The following ITGBL1 variants were observed in gnomAD, a reference collection of about 807,000 sequenced individuals.
ITGBL1 encodes integrin subunit beta like 1.
In ITGBL1, 51 loss-of-function variants were observed where a neutral mutation model predicts 68.5. That is an observed-to-expected ratio of 0.74 (90% CI 0.59 to 0.94). The LOEUF (loss-of-function observed/expected upper bound fraction) is 0.94, where lower values mean the gene tolerates loss of function less well. ITGBL1 is among the 40% of genes least tolerant of loss of function. The pLI, the probability that ITGBL1 is intolerant of heterozygous loss-of-function variation, is 0.00. For missense variants in ITGBL1, 649 were observed against 647.4 expected (o/e 1.00, Z -0.03); for synonymous variants, 209 against 227.3 (o/e 0.92, Z 0.72).
At chr13:101,615,207 A>C (rs1439519491) in intron 7 of ITGBL1, among the ~76,000 whole-genome samples, 1 of 151,882 alleles carries the variant, frequency 6.6e-6, no homozygotes, top group Non-Finnish European at 1.5e-5. Flanking sequence ...CTGTGTGTCC[A>C]AGCTCCCTTC....
At position 101,452,728 on chromosome 13, in the gene ITGBL1, C is replaced by T. The variant is rs933200694; in HGVS notation, c.-106C>T. 4 of 858,964 alleles carry T rather than the reference C, an allele frequency of 4.7e-6. No individual in the cohort carries two copies. The highest frequency in any genetic ancestry group is 5.9e-6 in the Non-Finnish European group (3 of 510,092). 53.2% of individuals were successfully genotyped at this position (858,964 alleles called of 1,614,324 possible). On this transcript the variant is annotated 5_prime_UTR_variant, in exon 1 of 11. Coordinates refer to ENST00000376180, the MANE Select transcript of ITGBL1 (RefSeq NM_004791.3). ...CTGCAAGCCTGGGTGTCCGTGGGTC[C>T]GTCTGCCCAGCCATCTGCTGGTGGC...
intron 2 of ITGBL1, 80 bp downstream of exon 2, chr13:101,454,180 A>G (rs2048207217): frequency 9.4e-7 from 1 of 1,064,214 alleles, no homozygotes; most frequent in African/African-American, 1.6e-5. Flanking sequence ...AGAAGAGTGA[A>G]GGGTGGGGAC....
chr13:101,564,245 T>A (rs2050145584), intron 2 of ITGBL1, among the ~76,000 whole-genome samples: 1 of 151,978 alleles, frequency 6.6e-6, no homozygotes, highest in Non-Finnish European at 1.5e-5. Flanking sequence ...CCATACTTAC[T>A]ATAAATTAGG....
chr13:101,661,821 A>G (rs544792429), intron 7 of ITGBL1, among the ~76,000 whole-genome samples: 1 of 152,306 alleles, frequency 6.6e-6, no homozygotes, highest in East Asian at 1.9e-4. Flanking sequence ...TATTAATTAT[A>G]CTTCTGAAAA....
At chr13:101,716,942 C>T (rs2034747742), downstream of ITGBL1, 1 of 151,806 alleles carries the variant, frequency 6.6e-6, no homozygotes, top group African/African-American at 2.4e-5. Flanking sequence ...TTGGGACTTC[C>T]CTTACATATT....
intron 8 of ITGBL1, among the ~76,000 whole-genome samples, chr13:101,697,729 TG>T (rs1206765195): frequency 1.3e-5 from 2 of 152,236 alleles, no homozygotes; most frequent in Non-Finnish European, 2.9e-5. Context: ...ATAATCCATT[TG>T]GCTTTATGGA....
intron 7 of ITGBL1, among the ~76,000 whole-genome samples, chr13:101,650,163 T>C (rs2032698089): frequency 6.6e-6 from 1 of 152,198 alleles, no homozygotes; most frequent in Non-Finnish European, 1.5e-5. Flanking sequence ...GCTCAAAAAC[T>C]TTTTGATTAA....
chr13:101,681,133 C>T lies in ITGBL1; in HGVS notation c.1016-11452C>T, dbSNP rs559346020. On this transcript the variant is annotated intron_variant, in intron 7 of 10. Transcript: ENST00000376180. ...TGGGGAATGATCAAAGTAATGCAGA[C>T]ATTTAAGATTGTGAGCCCTGCTAAA... Among the ~76,000 whole-genome samples the T allele has an allele frequency of 2.0e-5, 3 of 152,252 alleles. No individual in the cohort carries two copies. In the South Asian group the frequency reaches 6.2e-4, roughly 32 times the overall value.
At chr13:101,671,437 G>GTTTTTTTTTTTTTTTTTTTTTT (rs1491455482) in intron 7 of ITGBL1, among the ~76,000 whole-genome samples, 1 of 102,800 alleles carries the variant, frequency 9.7e-6, no homozygotes, top group Admixed American at 1.2e-4. Context: ...TTTTTTTTTT[G>GTTTTTTTTTTTTTTTTTTTTTT]TTTTTTTTTG....
At chr13:101,553,539 G>T (rs936214153) in intron 2 of ITGBL1, among the ~76,000 whole-genome samples, 1 of 152,136 alleles carries the variant, frequency 6.6e-6, no homozygotes, top group Non-Finnish European at 1.5e-5. Flanking sequence ...ATAACAGAGT[G>T]CCACAAACGG....
chr13:101,664,428 G>A (rs1317491535), intron 7 of ITGBL1, among the ~76,000 whole-genome samples: 2 of 152,086 alleles, frequency 1.3e-5, no homozygotes, highest in East Asian at 1.9e-4. Context: ...TATAATAATT[G>A]TAAAAGGCAG....
chr13:101,617,303 C>A (rs2031404195), intron 7 of ITGBL1, among the ~76,000 whole-genome samples: 1 of 152,012 alleles, frequency 6.6e-6, no homozygotes, highest in Non-Finnish European at 1.5e-5. Context: ...TACTATAAGT[C>A]ATAAGAATTT....
chr13:101,547,326 T>G (rs1234446479), intron 2 of ITGBL1, among the ~76,000 whole-genome samples: 1 of 152,006 alleles, frequency 6.6e-6, no homozygotes, highest in African/African-American at 2.4e-5. Flanking sequence ...TATTTTCTAA[T>G]TTATTAACTT....
intron 2 of ITGBL1, among the ~76,000 whole-genome samples, chr13:101,538,192 A>G (rs979029): frequency 1.3e-5 from 2 of 152,086 alleles, no homozygotes; most frequent in African/African-American, 4.8e-5. Flanking sequence ...ATTTGTAGAG[A>G]CAAGAACTAG....
At position 101,689,211 on chromosome 13, in the gene ITGBL1, T is replaced by TAAAAAAAAAA. The variant is rs34627046; in HGVS notation, c.1016-3361_1016-3352dup. Among the ~76,000 whole-genome samples the TAAAAAAAAAA allele has an allele frequency of 5.8e-3, 434 of 74,800 alleles. 16 individuals are homozygous for TAAAAAAAAAA. Among genetic ancestry groups the TAAAAAAAAAA allele is most frequent in the African/African-American group, 0.019 (400 of 21,140 alleles). 49.1% of individuals were successfully genotyped at this position (74,800 alleles called of 152,430 possible). ...CCTGGGGACAGAGCAAGACTCTGCCTAAAAAAAAAAAAAAAAAAAAAATTA... is the reference window on the plus strand; with the variant it reads ...CCTGGGGACAGAGCAAGACTCTGCCTAAAAAAAAAAAAAAAAAAAAAAAAAAAAAAAATTA... On this transcript the variant is annotated intron_variant, in intron 7 of 10. Transcript: ENST00000376180.
At chr13:101,578,456 A>G (rs1426298872) in intron 4 of ITGBL1, among the ~76,000 whole-genome samples, 4 of 152,232 alleles carry the variant, frequency 2.6e-5, no homozygotes, top group Non-Finnish European at 5.9e-5. Flanking sequence ...AGATGAGAGT[A>G]TAAGAAGTAA....
intron 7 of ITGBL1, among the ~76,000 whole-genome samples, chr13:101,629,431 C>T (rs957761567): frequency 1.3e-5 from 2 of 151,974 alleles, no homozygotes; most frequent in Non-Finnish European, 2.9e-5. Context: ...ATGCCCAATC[C>T]TTTGAAAATA....
At chr13:101,665,782 G>A (rs754070948) in intron 7 of ITGBL1, among the ~76,000 whole-genome samples, 1 of 152,036 alleles carries the variant, frequency 6.6e-6, no homozygotes, top group Non-Finnish European at 1.5e-5. Context: ...TATGAAGGGA[G>A]GGTTCTTATG....
intron 3 of ITGBL1, among the ~76,000 whole-genome samples, chr13:101,569,283 G>A (rs2050235508): frequency 6.6e-6 from 1 of 151,820 alleles, no homozygotes; most frequent in Non-Finnish European, 1.5e-5. Context: ...TTTTTTTAGA[G>A]AACATTATAA....
Sources: allele counts gnomAD v4.1 joint callset (sites outside exome capture counted in the v4.1 genomes callset), GRCh38; gene constraint gnomAD v4.1.1; transcripts MANE v1.5; gene names NCBI Gene and HGNC (gene_info 2026-07-23, HGNC 2026-07-21).